Variants in TRHDE observed in about 807,000 individuals in gnomAD.
TRHDE encodes thyrotropin releasing hormone degrading enzyme.
Under a neutral mutation model 125.7 loss-of-function variants are expected in TRHDE, and 72 were observed. That is an observed-to-expected ratio of 0.57 (90% CI 0.47 to 0.70). The LOEUF (loss-of-function observed/expected upper bound fraction) is 0.70. Ranked by LOEUF, TRHDE falls within the 30% of genes least tolerant of loss-of-function variation. The pLI, the probability that TRHDE is intolerant of heterozygous loss-of-function variation, is 0.00. For synonymous variants in TRHDE, 509 were observed against 509.1 expected (o/e 1.00, Z 0.00); for missense variants, 1,110 against 1,327.1 (o/e 0.84, Z 2.54).
At chr12:72,341,227 G>A (rs1339817716) in intron 2 of TRHDE, among the ~76,000 whole-genome samples, 1 of 151,316 alleles carries the variant, frequency 6.6e-6, no homozygotes, top group Admixed American at 6.6e-5. Flanking sequence ...TTGGTTTGCT[G>A]CACCCATCAG....
chr12:72,392,905 G>T (rs1162357003), intron 3 of TRHDE, among the ~76,000 whole-genome samples: 1 of 151,946 alleles, frequency 6.6e-6, no homozygotes, highest in Non-Finnish European at 1.5e-5. Flanking sequence ...TTATAAATAT[G>T]TGCAGATTCA....
At chr12:72,465,267 A>G (rs1356127200) in intron 3 of TRHDE, among the ~76,000 whole-genome samples, 1 of 152,048 alleles carries the variant, frequency 6.6e-6, no homozygotes, top group Non-Finnish European at 1.5e-5. Context: ...GTCCATATTT[A>G]AAGTATGCAG....
chr12:72,120,532 C>T (rs1241896975), intron 2 of TRHDE, among the ~76,000 whole-genome samples: 1 of 151,912 alleles, frequency 6.6e-6, no homozygotes, highest in Non-Finnish European at 1.5e-5. Context: ...TTTGAGGTTA[C>T]CATGAGGCTT....
intron 2 of TRHDE, among the ~76,000 whole-genome samples, chr12:72,155,805 G>A (rs753019104): frequency 9.9e-5 from 15 of 152,184 alleles, no homozygotes; most frequent in Non-Finnish European, 1.9e-4. Flanking sequence ...TGCCCCTACT[G>A]GGGGGTGCCT....
At chr12:72,108,430 A>C (rs756589374) in intron 2 of TRHDE, among the ~76,000 whole-genome samples, 26 of 152,136 alleles carry the variant, frequency 1.7e-4, no homozygotes, top group Non-Finnish European at 2.4e-4. Flanking sequence ...AGATATTACA[A>C]ACTCAGAACA....
At chr12:72,536,363 G>A (rs1868858273) in intron 6 of TRHDE, among the ~76,000 whole-genome samples, 1 of 152,088 alleles carries the variant, frequency 6.6e-6, no homozygotes, top group Admixed American at 6.6e-5. Flanking sequence ...AGAAGGTAGG[G>A]GGACCTGCCT....
chr12:72,618,936 C>A lies in TRHDE; in HGVS notation c.2367C>A (p.Tyr789Ter). The A allele has an allele frequency of 6.3e-7, 1 of 1,587,156 alleles. No individual in the cohort carries two copies. Among genetic ancestry groups the A allele is most frequent in the Non-Finnish European group, 8.6e-7 (1 of 1,165,880 alleles). ...PQNIPLEIIR[Y>*]LSEEKDFLPW... ...ATATTCCTCTGGAGATTATCAGATA[C>A]CTGTCTGAGGAGAAGGATTTTCTTC... The change falls in exon 13 of 19, where the codon TAC becomes TAA. Residue 789 changes from tyrosine (Y) to a stop codon, truncating the protein, a stop_gained. Transcript: ENST00000261180. LOFTEE classifies it high-confidence loss of function.
At chr12:72,276,066 A>T (rs938228681) in intron 1 of TRHDE, among the ~76,000 whole-genome samples, 1 of 152,122 alleles carries the variant, frequency 6.6e-6, no homozygotes, top group Non-Finnish European at 1.5e-5. Context: ...CTAATAAACC[A>T]TTTCATAGTT....
At chr12:72,142,942 C>G (rs1876151268) in intron 2 of TRHDE, among the ~76,000 whole-genome samples, 1 of 152,048 alleles carries the variant, frequency 6.6e-6, no homozygotes. Context: ...CATTCATCCT[C>G]AAGCCCGTGT....
At chr12:72,424,253 CCA>C (rs1229245033) in intron 3 of TRHDE, among the ~76,000 whole-genome samples, 1 of 152,118 alleles carries the variant, frequency 6.6e-6, no homozygotes, top group African/African-American at 2.4e-5. Context: ...TTGCCACACT[CCA>C]GTCTCTGCCT....
At chr12:72,378,524 A>T (rs903603451) in intron 3 of TRHDE, among the ~76,000 whole-genome samples, 1 of 152,176 alleles carries the variant, frequency 6.6e-6, no homozygotes, top group Admixed American at 6.5e-5. Flanking sequence ...ACAGCCAGTA[A>T]GTGAAGGGGT....
At chr12:72,429,168 G>A (rs1477038699) in intron 3 of TRHDE, among the ~76,000 whole-genome samples, 1 of 151,812 alleles carries the variant, frequency 6.6e-6, no homozygotes, top group Non-Finnish European at 1.5e-5. Context: ...CACAGGGAGG[G>A]GAACATCATA....
At chr12:72,525,078 A>T (rs985132648) in intron 6 of TRHDE, among the ~76,000 whole-genome samples, 1 of 152,148 alleles carries the variant, frequency 6.6e-6, no homozygotes, top group Non-Finnish European at 1.5e-5. Context: ...ATCCAAGACA[A>T]AGCTTATACT....
At chr12:72,240,347 ATT>A (rs1878452975) in intron 2 of TRHDE, among the ~76,000 whole-genome samples, 1 of 148,366 alleles carries the variant, frequency 6.7e-6, no homozygotes, top group Non-Finnish European at 1.5e-5. Flanking sequence ...ATATATATAT[ATT>A]TGTGTATATA....
intron 2 of TRHDE, among the ~76,000 whole-genome samples, chr12:72,110,942 A>G (rs972531958): frequency 1.3e-5 from 2 of 152,170 alleles, no homozygotes; most frequent in Non-Finnish European, 2.9e-5. Context: ...TTAAGTTGGC[A>G]AGTACAAGTA....
In TRHDE at chr12:72,618,999, T is replaced by C; in HGVS notation, c.2430T>C (p.Asp810=). 1 of 1,593,656 alleles carries C rather than the reference T, an allele frequency of 6.3e-7. No homozygotes were observed. Among genetic ancestry groups the C allele is most frequent in the East Asian group, 2.3e-5 (1 of 44,198 alleles). Residue 810 remains aspartate, a synonymous_variant, in exon 13 of 19, where the codon GAT becomes GAC. Transcript: ENST00000261180. ...CCAGCCGAGCTCTTTATCCTCTAGA[T>C]AAATTACTGGACCGCATGGAAAACT... is the stretch of plus-strand genomic sequence containing the variant. The part of the protein sequence containing the change: ...HAASRALYPL[D]KLLDRMENYN...
intron 2 of TRHDE, among the ~76,000 whole-genome samples, chr12:72,360,049 A>G (rs912155259): frequency 6.6e-6 from 1 of 151,726 alleles, no homozygotes; most frequent in Non-Finnish European, 1.5e-5. Flanking sequence ...TTATCCACAC[A>G]GAAAAAATAA....
intron 2 of TRHDE, among the ~76,000 whole-genome samples, chr12:72,294,450 G>T (rs1242121020): frequency 1.3e-5 from 2 of 152,168 alleles, no homozygotes; most frequent in East Asian, 3.9e-4. Context: ...AGAGAAGGTA[G>T]CTTCTCTCTG....
At chr12:72,470,741 A>T (rs2135898639) in intron 4 of TRHDE, among the ~76,000 whole-genome samples, 1 of 152,288 alleles carries the variant, frequency 6.6e-6, no homozygotes, top group Non-Finnish European at 1.5e-5. Context: ...GAAAAAACTA[A>T]GGAAAGAGTG....
Sources: allele counts gnomAD v4.1 joint callset (sites outside exome capture counted in the v4.1 genomes callset), GRCh38; gene constraint gnomAD v4.1.1; transcripts MANE v1.5; gene names NCBI Gene and HGNC (gene_info 2026-07-23, HGNC 2026-07-21).